PRIMA1: variants seen among roughly 807,000 people sequenced by gnomAD.
PRIMA1 encodes proline rich membrane anchor 1, also known as proline-rich membrane anchor 1.
A neutral mutation model predicts 17.5 loss-of-function variants in PRIMA1; 7 were observed. The ratio of observed to expected loss-of-function variants is 0.40; its 90% CI spans 0.23 to 0.75. The LOEUF (loss-of-function observed/expected upper bound fraction) is 0.75. Ranked by LOEUF, PRIMA1 falls within the 30% of genes least tolerant of loss-of-function variation. The pLI, the probability that PRIMA1 is intolerant of heterozygous loss-of-function variation, is 0.37. For missense variants in PRIMA1, 200 were observed against 201.8 expected (o/e 0.99, Z 0.05); for synonymous variants, 97 against 77.9 (o/e 1.25, Z -1.29).
At chr14:93,756,673 T>C (rs1014826165) in intron 3 of PRIMA1, among the ~76,000 whole-genome samples, 27 of 152,158 alleles carry the variant, frequency 1.8e-4, no homozygotes, top group African/African-American at 6.0e-4. Context: ...CTGACTTCCA[T>C]ATCCAGCTGC....
At chr14:93,727,952 A>G (rs1447547911) in intron 4 of PRIMA1, among the ~76,000 whole-genome samples, 2 of 152,204 alleles carry the variant, frequency 1.3e-5, no homozygotes, top group African/African-American at 4.8e-5. Flanking sequence ...TACGCTGCTC[A>G]GCTGTCCTGA....
intron 3 of PRIMA1, among the ~76,000 whole-genome samples, chr14:93,763,210 A>G (rs1312757524): frequency 6.6e-6 from 1 of 151,870 alleles, no homozygotes; most frequent in Non-Finnish European, 1.5e-5. Flanking sequence ...TGATCGAATA[A>G]AAGTCTGCCC....
At position 93,735,098 on chromosome 14, in the gene PRIMA1, G is replaced by A. The variant is rs543804175; in HGVS notation, c.359+2143C>T. On this transcript the variant is annotated intron_variant, in intron 4 of 4. Coordinates refer to ENST00000393140, the MANE Select transcript of PRIMA1 (RefSeq NM_178013.4). The stretch of plus-strand genomic sequence containing the variant: ...AGGGAGGGAGGCAGAAGTGGCTCAG[G>A]TGTCTTTTGTAAGAACACGAGTTTA... Among the ~76,000 whole-genome samples the A allele has an allele frequency of 5.3e-5, 8 of 152,250 alleles. No homozygotes were observed. The South Asian group carries it at 1.7e-3, about 32-fold the overall frequency.
chr14:93,726,462 T>C lies in PRIMA1; in HGVS notation c.360-4916A>G, dbSNP rs1448595132. On this transcript the variant is annotated intron_variant, in intron 4 of 4. Coordinates refer to ENST00000393140, the MANE Select transcript of PRIMA1 (RefSeq NM_178013.4). This position sits in a 1 kb window ranked among gnomAD's most constrained non-coding sequence, Gnocchi z 4.2. Reference sequence around the variant, plus strand: ...CTTATGAAGGTATTCATCCCCCGACTGCCCACCCCGACACCCTCCCACACC... The same window carrying C: ...CTTATGAAGGTATTCATCCCCCGACCGCCCACCCCGACACCCTCCCACACC... Among the ~76,000 whole-genome samples, 2 of 152,018 alleles carry C rather than the reference T, an allele frequency of 1.3e-5. No homozygotes were observed. The highest frequency in any genetic ancestry group is 2.9e-5 in the Non-Finnish European group (2 of 67,992).
At chr14:93,727,022 T>C (rs2076082329) in intron 4 of PRIMA1, among the ~76,000 whole-genome samples, 2 of 152,106 alleles carry the variant, frequency 1.3e-5, no homozygotes, top group African/African-American at 4.8e-5. Flanking sequence ...GTCAAGAAGC[T>C]ACAAAAAGCC....
At chr14:93,729,240 T>C (rs1037301570) in intron 4 of PRIMA1, among the ~76,000 whole-genome samples, 1 of 152,248 alleles carries the variant, frequency 6.6e-6, no homozygotes. Context: ...CATGCATCAA[T>C]GCTCAGCACT....
chr14:93,728,964 G>A (rs1405896033), intron 4 of PRIMA1, among the ~76,000 whole-genome samples: 4 of 152,190 alleles, frequency 2.6e-5, no homozygotes, highest in African/African-American at 9.7e-5. Flanking sequence ...CCCAGGGCAG[G>A]TAAGGACCTC....
At position 93,726,570 on chromosome 14, in the gene PRIMA1, A is replaced by C. The variant is rs1566962635; in HGVS notation, c.360-5024T>G. The stretch of plus-strand genomic sequence containing the variant: ...CACATGCACAAATCCACATACACAC[A>C]CACTATACACATACACATGTACGCA... On this transcript the variant is annotated intron_variant, in intron 4 of 4. Transcript: ENST00000393140. The surrounding 1 kb of genome is among the most constrained non-coding windows in gnomAD (Gnocchi z 4.2). 6.6e-6 allele frequency among the ~76,000 whole-genome samples: 1 copy of C among 152,010 alleles called. No individual in the cohort carries two copies. Among genetic ancestry groups the C allele is most frequent in the African/African-American group, 2.4e-5 (1 of 41,342 alleles).
At chr14:93,756,076 T>A (rs1313117260) in intron 3 of PRIMA1, among the ~76,000 whole-genome samples, 1 of 152,098 alleles carries the variant, frequency 6.6e-6, no homozygotes. Context: ...AATAGAGAAA[T>A]CTGGATTTTT....
In PRIMA1 at chr14:93,758,793, T is replaced by C. The variant is rs1433247856; in HGVS notation, c.229+20383A>G. 2.0e-5 allele frequency among the ~76,000 whole-genome samples: 3 copies of C among 152,054 alleles called. No homozygotes were observed. The East Asian group carries it at 5.8e-4, about 29-fold the overall frequency. Reference sequence around the variant, plus strand: ...TCCTAAGTGTACCATGAGCAAAGCATTGTGCAATGGACTCTGTGGGGTGGG... The same window carrying C: ...TCCTAAGTGTACCATGAGCAAAGCACTGTGCAATGGACTCTGTGGGGTGGG... On this transcript the variant is annotated intron_variant, in intron 3 of 4. Transcript: ENST00000393140.
At chr14:93,775,449 A>G (rs1885185719) in intron 3 of PRIMA1, among the ~76,000 whole-genome samples, 1 of 152,318 alleles carries the variant, frequency 6.6e-6, no homozygotes, top group South Asian at 2.1e-4. Context: ...GAATTCCTTC[A>G]GGGTTATATA....
rs181714306 is a variant in PRIMA1 at position 93,721,145 on chromosome 14, C to T, written c.*299G>A. ...GCTTCGCCAGTGCGCATGCTTTAGACAGCAGCTGGGGGCAGTCGACAGACC... is the reference window on the plus strand; with the variant it reads ...GCTTCGCCAGTGCGCATGCTTTAGATAGCAGCTGGGGGCAGTCGACAGACC... On this transcript the variant is annotated 3_prime_UTR_variant, in exon 5 of 5. Coordinates refer to ENST00000393140, the MANE Select transcript of PRIMA1 (RefSeq NM_178013.4). 1.1e-3 allele frequency: 394 copies of T among 371,272 alleles called. No homozygotes were observed. Among genetic ancestry groups the T allele is most frequent in the Non-Finnish European group, 8.8e-4 (180 of 204,354 alleles). 23.0% of individuals were successfully genotyped at this position (371,272 alleles called of 1,614,324 possible).
At chr14:93,778,220 G>A (rs1411794252) in intron 3 of PRIMA1, among the ~76,000 whole-genome samples, 2 of 152,196 alleles carry the variant, frequency 1.3e-5, no homozygotes, top group African/African-American at 2.4e-5. Context: ...TAAAACAAAT[G>A]CTTTGGGTTA....
chr14:93,725,119 G>A (rs1201275755), intron 4 of PRIMA1, among the ~76,000 whole-genome samples: 1 of 152,156 alleles, frequency 6.6e-6, no homozygotes, highest in African/African-American at 2.4e-5. Context: ...GTGAGGAGGG[G>A]GCCCAGGGCC....
At chr14:93,754,030 C>T (rs1184678892) in intron 3 of PRIMA1, among the ~76,000 whole-genome samples, 1 of 152,224 alleles carries the variant, frequency 6.6e-6, no homozygotes, top group Non-Finnish European at 1.5e-5. Context: ...TACTTGCCAT[C>T]TGCTGGCAAA....
At chr14:93,734,868 G>T (rs1420737085) in intron 4 of PRIMA1, among the ~76,000 whole-genome samples, 2 of 152,150 alleles carry the variant, frequency 1.3e-5, no homozygotes, top group East Asian at 1.9e-4. Flanking sequence ...AGAGAAAGTG[G>T]AAGAGGACAG....
In PRIMA1 at chr14:93,742,299, G is replaced by A. The variant is rs114133829; in HGVS notation, c.230-4929C>T. Among the ~76,000 whole-genome samples the A allele has an allele frequency of 3.3e-3, 504 of 152,320 alleles. 5 individuals carry two copies. Among genetic ancestry groups the A allele is most frequent in the African/African-American group, 0.011 (460 of 41,580 alleles). ...ACAGTAGTGCAGGAAGAGAGAATCC[G>A]CAGGGCCTGGCCAGCTCCATAAGTT... is the stretch of plus-strand genomic sequence containing the variant. On this transcript the variant is annotated intron_variant, in intron 3 of 4. Coordinates refer to ENST00000393140, the MANE Select transcript of PRIMA1 (RefSeq NM_178013.4).
intron 3 of PRIMA1, among the ~76,000 whole-genome samples, chr14:93,767,795 G>A (rs1389026621): frequency 2.6e-5 from 4 of 152,198 alleles, no homozygotes; most frequent in African/African-American, 9.7e-5. Context: ...CGAGGAATGA[G>A]CCATCATCCC....
rs1447784050 is a variant in PRIMA1 at position 93,720,230 on chromosome 14, G to C, written c.*1214C>G. On this transcript the variant is annotated 3_prime_UTR_variant, in exon 5 of 5. Coordinates refer to ENST00000393140, the MANE Select transcript of PRIMA1 (RefSeq NM_178013.4). ...CTGTCTCCGTGGGTTTCCTGATGTG[G>C]CCCACAGGGAAGGCTGCCACTTGGG... 6.6e-6 allele frequency: 1 copy of C among 152,228 alleles called. No homozygotes were observed. Among genetic ancestry groups the C allele is most frequent in the African/African-American group, 2.4e-5 (1 of 41,450 alleles). The allele number at this position is 152,228 out of a possible 1,614,324, so 9.4% of individuals were successfully genotyped here. A position where few individuals can be genotyped will look rare whatever the true frequency, so the allele number is the denominator to read the frequency against.
Sources: gnomAD v4.1 joint callset for allele counts (sites outside exome capture counted in the v4.1 genomes callset) on GRCh38, gnomAD v4.1.1 for gene constraint, Gnocchi (gnomAD v3.1) non-coding constraint, MANE v1.5 for transcripts, NCBI Gene and HGNC (gene_info 2026-07-23, HGNC 2026-07-21) for gene names.